Variants in LRP1B observed in about 807,000 individuals in gnomAD.
LRP1B encodes LDL receptor related protein 1B, also known as low-density lipoprotein receptor-related protein 1B.
Under a neutral mutation model 556.6 loss-of-function variants are expected in LRP1B, and 217 were observed. The observed-to-expected ratio is 0.39, with a 90% CI of 0.35 to 0.44. The LOEUF (loss-of-function observed/expected upper bound fraction) is 0.44. Among genes scored for constraint, LRP1B ranks in the 20% least tolerant of loss-of-function variants. LRP1B has a pLI of 1.00. For synonymous variants in LRP1B, 2,047 were observed against 1,865.8 expected (o/e 1.10, Z -2.50); for missense variants, 5,053 against 5,620.8 (o/e 0.90, Z 3.23).
chr2:141,418,126 A>G (rs1679984071), intron 3 of LRP1B, among the ~76,000 whole-genome samples: 1 of 152,084 alleles, frequency 6.6e-6, no homozygotes. Flanking sequence ...TGAGTTTCTT[A>G]TATATTTTGG....
chr2:141,800,814 T>G (rs1313556754), intron 2 of LRP1B, among the ~76,000 whole-genome samples: 1 of 152,210 alleles, frequency 6.6e-6, no homozygotes, highest in African/African-American at 2.4e-5. Context: ...AAATTGTTGC[T>G]TTTATGTGCT....
At chr2:140,733,917 T>C (rs2105505743) in intron 35 of LRP1B, among the ~76,000 whole-genome samples, 1 of 152,350 alleles carries the variant, frequency 6.6e-6, no homozygotes, top group East Asian at 1.9e-4. Flanking sequence ...TCACCTATGG[T>C]AAATTTTAAG....
At chr2:141,081,958 T>C (rs1699933758) in intron 7 of LRP1B, among the ~76,000 whole-genome samples, 1 of 152,178 alleles carries the variant, frequency 6.6e-6, no homozygotes, top group African/African-American at 2.4e-5. Flanking sequence ...TACCAATAGA[T>C]ACAGTATTGT....
chr2:141,236,646 T>G (rs1255061646), intron 5 of LRP1B, among the ~76,000 whole-genome samples: 1 of 152,232 alleles, frequency 6.6e-6, no homozygotes, highest in Non-Finnish European at 1.5e-5. Context: ...TAGAGTATAA[T>G]TCATGTCAGA....
chr2:142,115,499 A>ATAACATACATATAATATATATATTAT (rs1559079373), intron 1 of LRP1B, among the ~76,000 whole-genome samples: 1 of 84,980 alleles, frequency 1.2e-5, no homozygotes, highest in South Asian at 2.9e-4. Flanking sequence ...AATTATATAT[A>ATAACATACATATAATATATATATTAT]ATATATATTA....
chr2:140,741,264 C>A (rs1055974659), intron 35 of LRP1B, among the ~76,000 whole-genome samples: 1 of 152,086 alleles, frequency 6.6e-6, no homozygotes, highest in Admixed American at 6.6e-5. Flanking sequence ...TCACCCCCAA[C>A]CCAAATAACA....
At chr2:140,900,088 G>C (rs1468278945) in intron 23 of LRP1B, among the ~76,000 whole-genome samples, 1 of 152,186 alleles carries the variant, frequency 6.6e-6, no homozygotes, top group African/African-American at 2.4e-5. Flanking sequence ...GGAGGAAAGG[G>C]AACACCTCCT....
At chr2:141,829,661 A>C (rs936699917) in intron 1 of LRP1B, among the ~76,000 whole-genome samples, 13 of 151,670 alleles carry the variant, frequency 8.6e-5, no homozygotes, top group African/African-American at 2.9e-4. Flanking sequence ...AAGTCTGAAC[A>C]CCTCGTATTT....
chr2:140,364,540 C>G, intron 72 of LRP1B, 121 bp downstream of exon 72: 1 of 1,171,068 alleles, frequency 8.5e-7, no homozygotes, highest in Non-Finnish European at 1.2e-6. Context: ...TGTGGTTATA[C>G]TTTATCTACC....
intron 2 of LRP1B, among the ~76,000 whole-genome samples, chr2:141,700,467 T>G (rs1691901663): frequency 6.6e-6 from 1 of 151,866 alleles, no homozygotes; most frequent in South Asian, 2.1e-4. Flanking sequence ...AATAATATAT[T>G]GAGCTAACGT....
chr2:141,740,171 C>T (rs182382945), intron 2 of LRP1B, among the ~76,000 whole-genome samples: 107 of 152,126 alleles, frequency 7.0e-4, no homozygotes, highest in African/African-American at 2.3e-3. Flanking sequence ...AGATCATAGA[C>T]GTGACAAATT....
chr2:141,456,300 A>G (rs574106783), intron 3 of LRP1B, among the ~76,000 whole-genome samples: 31 of 152,332 alleles, frequency 2.0e-4, no homozygotes, highest in Middle Eastern at 3.4e-3. Context: ...TTCCACCAAC[A>G]GTGTAAAAAT....
At chr2:141,415,428 T>C (rs914730899) in intron 3 of LRP1B, among the ~76,000 whole-genome samples, 1 of 152,160 alleles carries the variant, frequency 6.6e-6, no homozygotes, top group African/African-American at 2.4e-5. Context: ...AAACTCTCCA[T>C]TGAGAGATAT....
chr2:141,526,204 G>C (rs933612388), intron 2 of LRP1B, among the ~76,000 whole-genome samples: 1 of 152,004 alleles, frequency 6.6e-6, no homozygotes, highest in Non-Finnish European at 1.5e-5. Flanking sequence ...AAGTGTAAAT[G>C]AGAATGACTT....
intron 49 of LRP1B, among the ~76,000 whole-genome samples, chr2:140,518,532 A>G (rs920118662): frequency 4.6e-5 from 7 of 152,194 alleles, no homozygotes; most frequent in Non-Finnish European, 7.4e-5. Context: ...GATAATTTCA[A>G]AATTAACTAC....
intron 7 of LRP1B, among the ~76,000 whole-genome samples, chr2:141,086,134 C>G (rs1700041672): frequency 6.6e-6 from 1 of 152,162 alleles, no homozygotes. Flanking sequence ...AGGTAACTTT[C>G]CCTTATATTA....
chr2:141,795,897 T>C (rs1169749847), intron 2 of LRP1B, among the ~76,000 whole-genome samples: 1 of 78,056 alleles, frequency 1.3e-5, no homozygotes, highest in Non-Finnish European at 2.7e-5. Context: ...TATATATATA[T>C]ATAATCTTTA....
chr2:140,442,179 T>C (rs1464114628), intron 66 of LRP1B, among the ~76,000 whole-genome samples: 1 of 152,120 alleles, frequency 6.6e-6, no homozygotes, highest in Non-Finnish European at 1.5e-5. Context: ...ATGAATATAG[T>C]GTTTCCTTAT....
intron 18 of LRP1B, among the ~76,000 whole-genome samples, chr2:140,979,937 G>A (rs114864041): frequency 0.019 from 2,835 of 152,048 alleles, 90 homozygotes; most frequent in African/African-American, 0.065. Context: ...AGAAAGATAC[G>A]TGTCTGGCAG....
Sources: allele counts gnomAD v4.1 joint callset (sites outside exome capture counted in the v4.1 genomes callset), GRCh38; gene constraint gnomAD v4.1.1; transcripts MANE v1.5; gene names NCBI Gene and HGNC (gene_info 2026-07-23, HGNC 2026-07-21).